The following ARHGAP8 variants were observed in gnomAD, a reference collection of about 807,000 sequenced individuals.
ARHGAP8 encodes rho GTPase-activating protein 8.
Under a neutral mutation model 46.1 loss-of-function variants are expected in ARHGAP8, and 62 were observed. The ratio of observed to expected loss-of-function variants is 1.34; its 90% confidence interval spans 1.10 to 1.66. The LOEUF is 1.66. ARHGAP8 is among the 40% of genes most tolerant of loss of function. ARHGAP8 has a pLI of 0.00. For synonymous variants in ARHGAP8, 375 were observed against 243.1 expected (o/e 1.54, Z -5.05); for missense variants, 923 against 568.4 (o/e 1.62, Z -6.34).
intron 5 of ARHGAP8, among the ~76,000 whole-genome samples, chr22:44,819,910 A>G (rs901673517): frequency 2.6e-5 from 4 of 152,120 alleles, no homozygotes; most frequent in Admixed American, 6.5e-5. Context: ...ATTCTGCCTC[A>G]TGCCTGGACA....
intron 10 of ARHGAP8, 136 bp from the exon 11 acceptor site, chr22:44,859,595 G>A (rs2070363504): frequency 1.2e-6 from 1 of 854,232 alleles, no homozygotes; most frequent in East Asian, 2.7e-5. Flanking sequence ...GAAGATAAGT[G>A]GGGGTCCCAA....
At chr22:44,768,054 C>T (rs538737642) in intron 1 of ARHGAP8, among the ~76,000 whole-genome samples, 2 of 110,608 alleles carry the variant, frequency 1.8e-5, no homozygotes, top group Non-Finnish European at 3.3e-5. Flanking sequence ...GGCTGGAGTG[C>T]AGTGGCACGA....
At chr22:44,763,407 GA>G (rs1241506146) in intron 1 of ARHGAP8, among the ~76,000 whole-genome samples, 1 of 141,518 alleles carries the variant, frequency 7.1e-6, no homozygotes, top group Non-Finnish European at 1.5e-5. Context: ...TGAGACACAA[GA>G]ATCACTTGAA....
intron 7 of ARHGAP8, among the ~76,000 whole-genome samples, chr22:44,827,336 GTTTTTTT>G (rs796490147): frequency 1.9e-4 from 13 of 67,260 alleles, no homozygotes; most frequent in East Asian, 1.0e-3. Context: ...TTGGGTGGTG[GTTTTTTT>G]TTTTTTTTTT....
At chr22:44,829,118 C>CCA (rs1455903380) in intron 7 of ARHGAP8, among the ~76,000 whole-genome samples, 1 of 49,360 alleles carries the variant, frequency 2.0e-5, no homozygotes, top group Non-Finnish European at 3.3e-5. Flanking sequence ...ACTAAAAATA[C>CCA]AAAAAAAAAA....
Position 44,825,464 on chromosome 22 carries a change from G to T in ARHGAP8, c.486-19G>T. 1 of 1,602,652 alleles carries T rather than the reference G, an allele frequency of 6.2e-7. No individual in the cohort carries two copies. Among genetic ancestry groups the T allele is most frequent in the Non-Finnish European group, 8.5e-7 (1 of 1,172,632 alleles). On this transcript the variant is annotated intron_variant, in intron 6 of 11. Coordinates refer to ENST00000356099, the MANE Select transcript of ARHGAP8 (RefSeq NM_181335.3). ...GCTGCCCCTGCCAGGTGAGATCCCA[G>T]CCTCTGTTGTGTCTACAGGTACGAT...
intron 1 of ARHGAP8, among the ~76,000 whole-genome samples, chr22:44,757,763 G>A (rs976935923): frequency 1.5e-4 from 23 of 150,282 alleles, no homozygotes; most frequent in African/African-American, 2.9e-4. Flanking sequence ...CTCAGCCTCC[G>A]GAGTAGCTGG....
chr22:44,753,730 G>T lies in ARHGAP8; in HGVS notation c.-72+1103G>T, dbSNP rs570177753. ...GGAGAAGGAACCGCAGAGTCCACCC[G>T]GGAAGGAGGGTGGGATTGTTTGGCG... On this transcript the variant is annotated intron_variant, in intron 1 of 11. Coordinates refer to ENST00000356099, the MANE Select transcript of ARHGAP8 (RefSeq NM_181335.3). Among the ~76,000 whole-genome samples, 39 of 152,236 alleles carry T rather than the reference G, an allele frequency of 2.6e-4. No homozygotes were observed. The South Asian group carries it at 7.7e-3, about 30-fold the overall frequency.
chr22:44,813,006 T>C (rs1929446998), intron 4 of ARHGAP8, among the ~76,000 whole-genome samples: 1 of 152,160 alleles, frequency 6.6e-6, no homozygotes, highest in African/African-American at 2.4e-5. Context: ...CCCCTCACTC[T>C]TTGAGTGCTT....
At position 44,862,338 on chromosome 22, in the gene ARHGAP8, A is replaced by C. The variant is rs1292946626; in HGVS notation, c.1045A>C (p.Asn349His). The change falls in exon 12 of 12, where the codon AAT (asparagine) becomes CAT (histidine). Residue 349 changes from asparagine (N) to histidine (H), a missense_variant. Asn to His is a moderately conservative substitution (Grantham distance 68). Coordinates refer to ENST00000356099, the MANE Select transcript of ARHGAP8 (RefSeq NM_181335.3). Reference sequence around the variant, plus strand: ...TAACCTGGCCTGTGTCTTCGGGCTGAATTTGATCTGGCCATCCCAGGGGGT... The same window carrying C: ...TAACCTGGCCTGTGTCTTCGGGCTGCATTTGATCTGGCCATCCCAGGGGGT... ...SSNLACVFGL[N>H]LIWPSQGVSS... 3.7e-6 allele frequency: 6 copies of C among 1,613,822 alleles called. No homozygotes were observed. Among genetic ancestry groups the C allele is most frequent in the Non-Finnish European group, 5.1e-6 (6 of 1,179,902 alleles).
intron 7 of ARHGAP8, among the ~76,000 whole-genome samples, chr22:44,829,314 A>G (rs1336428081): frequency 6.6e-6 from 1 of 151,876 alleles, no homozygotes; most frequent in African/African-American, 2.4e-5. Flanking sequence ...AAAAAAGAAA[A>G]AGAAAAAACA....
At chr22:44,832,460 T>C (rs142619239) in intron 7 of ARHGAP8, among the ~76,000 whole-genome samples, 3,047 of 152,106 alleles carry the variant, frequency 0.02, 84 homozygotes, top group African/African-American at 0.069. Context: ...TCCTGACCTC[T>C]GGTGATCTGC....
intron 10 of ARHGAP8, among the ~76,000 whole-genome samples, chr22:44,855,564 A>C (rs903239865): frequency 2.6e-5 from 4 of 152,224 alleles, no homozygotes; most frequent in Admixed American, 2.6e-4. Flanking sequence ...GAAGGCCCTA[A>C]AGATTTTTTT....
At chr22:44,787,806 A>G (rs1262284364) in intron 2 of ARHGAP8, among the ~76,000 whole-genome samples, 1 of 152,110 alleles carries the variant, frequency 6.6e-6, no homozygotes, top group Admixed American at 6.6e-5. Context: ...CCAGTTCTCA[A>G]ACAGTTAAAG....
At chr22:44,796,141 A>G (rs1225386460) in intron 2 of ARHGAP8, among the ~76,000 whole-genome samples, 1 of 152,098 alleles carries the variant, frequency 6.6e-6, no homozygotes, top group Non-Finnish European at 1.5e-5. Flanking sequence ...TGATCTCTGA[A>G]CACCCCCTGA....
intron 11 of ARHGAP8, among the ~76,000 whole-genome samples, chr22:44,860,256 C>T (rs1601535734): frequency 6.6e-6 from 1 of 152,124 alleles, no homozygotes; most frequent in African/African-American, 2.4e-5. Context: ...GTTCCTGTGA[C>T]TGCATCGTGG....
intron 7 of ARHGAP8, among the ~76,000 whole-genome samples, chr22:44,830,425 A>T (rs1391018128): frequency 6.6e-6 from 1 of 151,384 alleles, no homozygotes; most frequent in Non-Finnish European, 1.5e-5. Context: ...TCTGCCTTCC[A>T]GTTCGGATGA....
rs77740041 is a variant in ARHGAP8, at chr22:44,812,720, T to C, written c.300-1952T>C. ...GAGATGCTTTGAGATTATATAAATA[T>C]CCTGCTCCTTGTCAAAATACTTTTC... On this transcript the variant is annotated intron_variant, in intron 4 of 11. Transcript: ENST00000356099. Among the ~76,000 whole-genome samples, 458 of 152,246 alleles carry C rather than the reference T, an allele frequency of 3.0e-3. 4 individuals carry two copies. Among genetic ancestry groups the C allele is most frequent in the African/African-American group, 0.011 (441 of 41,542 alleles).
At chr22:44,764,294 G>A (rs1030275596) in intron 1 of ARHGAP8, among the ~76,000 whole-genome samples, 3 of 152,148 alleles carry the variant, frequency 2.0e-5, no homozygotes, top group Non-Finnish European at 4.4e-5. Flanking sequence ...AGCAAATGCT[G>A]GAAAAATGGA....
Sources: allele counts gnomAD v4.1 joint callset (sites outside exome capture counted in the v4.1 genomes callset), GRCh38; gene constraint gnomAD v4.1.1; transcripts MANE v1.5; gene names NCBI Gene and HGNC (gene_info 2026-07-23, HGNC 2026-07-21).